Variants in ZFPM1 observed in about 807,000 individuals in gnomAD.
ZFPM1 encodes zinc finger protein ZFPM1.
In ZFPM1, 28 loss-of-function variants were observed where a neutral mutation model predicts 46.3. The ratio of observed to expected loss-of-function variants is 0.60; its 90% CI spans 0.45 to 0.83. The LOEUF is 0.83. Among genes scored for constraint, ZFPM1 ranks in the 40% least tolerant of loss-of-function variants. The probability of loss-of-function intolerance (pLI) is 0.00; values close to 1 mark genes in which losing one functional copy is unlikely to be tolerated. For missense variants in ZFPM1, 1,878 were observed against 1,432.4 expected (o/e 1.31, Z -5.02); for synonymous variants, 957 against 675.9 (o/e 1.42, Z -6.45).
chr16:88,483,897 G>A (rs1048788490), intron 1 of ZFPM1, among the ~76,000 whole-genome samples: 1 of 152,194 alleles, frequency 6.6e-6, no homozygotes, highest in Non-Finnish European at 1.5e-5. Context: ...GGAACGGCGG[G>A]GTCAGCCTTG....
At chr16:88,484,190 C>T (rs534435056) in intron 1 of ZFPM1, among the ~76,000 whole-genome samples, 3 of 152,168 alleles carry the variant, frequency 2.0e-5, no homozygotes, top group Non-Finnish European at 2.9e-5. Flanking sequence ...CACATGTGGG[C>T]GCTTCGGTGT....
In ZFPM1 at chr16:88,534,728, G is replaced by A; in HGVS notation, c.2770G>A (p.Glu924Lys). ...TGGCCCCCGGGACGGCCTCGGCCCGGAGCCCCAGGAGCCGCCGCCCGGCCC... is the reference window on the plus strand; with the variant it reads ...TGGCCCCCGGGACGGCCTCGGCCCGAAGCCCCAGGAGCCGCCGCCCGGCCC... ...SRGPRDGLGP[E>K]PQEPPPGPPP... Residue 924 changes from glutamate to lysine, a missense_variant, in exon 10 of 10, where the codon GAG becomes AAG. Physicochemically the swap from Glu to Lys is moderately conservative, Grantham distance 56. Transcript: ENST00000319555. 1.0e-6 allele frequency: 1 copy of A among 980,868 alleles called. No individual in the cohort carries two copies. Among genetic ancestry groups the A allele is most frequent in the Non-Finnish European group, 1.2e-6 (1 of 827,736 alleles). The allele number at this position is 980,868 out of a possible 1,614,324, so 60.8% of individuals were successfully genotyped here. A position where few individuals can be genotyped will look rare whatever the true frequency, so the allele number is the denominator to read the frequency against.
chr16:88,509,308 T>C (rs1040475010), intron 3 of ZFPM1, among the ~76,000 whole-genome samples: 11 of 152,176 alleles, frequency 7.2e-5, no homozygotes, highest in African/African-American at 2.7e-4. Context: ...AGCTGGCCTA[T>C]GGGAGCCACA....
Position 88,532,902 on chromosome 16 carries a change from G to A in ZFPM1, c.1156G>A (p.Gly386Arg). 6.2e-7 allele frequency: 1 copy of A among 1,613,276 alleles called. No individual in the cohort carries two copies. The highest frequency in any genetic ancestry group is 8.5e-7 in the Non-Finnish European group (1 of 1,179,968). The part of the protein sequence containing the change: ...PGSKGEIYSP[G>R]AGHPATKLPP... Reference sequence around the variant, plus strand: ...CTCCAAGGGTGAGATCTACTCGCCAGGGGCCGGACACCCAGCAACCAAGCT... The same window carrying A: ...CTCCAAGGGTGAGATCTACTCGCCAAGGGCCGGACACCCAGCAACCAAGCT... The change falls in exon 9 of 10, where the codon GGG becomes AGG. Residue 386 changes from glycine (G) to arginine (R), a missense_variant. Coordinates refer to ENST00000319555, the MANE Select transcript of ZFPM1 (RefSeq NM_153813.3).
rs1250389397 is a variant in ZFPM1, at chr16:88,471,149, T to C, written c.41-14790T>C. On this transcript the variant is annotated intron_variant, in intron 1 of 9. Transcript: ENST00000319555. The surrounding 1 kb of genome is among the most constrained non-coding windows in gnomAD (Gnocchi z 4.1). ...CCAGCTCCCCTGCAGCCATGATAGA[T>C]AGACCAGACTTTTCCTCTCCACTTA... Among the ~76,000 whole-genome samples the C allele has an allele frequency of 6.6e-6, 1 of 152,282 alleles. No individual in the cohort carries two copies. The highest frequency in any genetic ancestry group is 2.1e-4 in the South Asian group (1 of 4,828).
At chr16:88,478,567 CG>C (rs1447051607) in intron 1 of ZFPM1, among the ~76,000 whole-genome samples, 2 of 152,246 alleles carry the variant, frequency 1.3e-5, no homozygotes, top group African/African-American at 2.4e-5. Flanking sequence ...GCTGCTGTTG[CG>C]GGCCCACAGA....
intron 1 of ZFPM1, among the ~76,000 whole-genome samples, chr16:88,476,039 C>A (rs1386126075): frequency 6.6e-6 from 1 of 152,050 alleles, no homozygotes. Flanking sequence ...GCCCCATGAC[C>A]CTGAGTCTCA....
In ZFPM1 at chr16:88,533,972, T is replaced by A; in HGVS notation, c.2014T>A (p.Ser672Thr). 1 of 1,325,172 alleles carries A rather than the reference T, an allele frequency of 7.5e-7. No individual in the cohort carries two copies. The allele number at this position is 1,325,172 out of a possible 1,614,324, so 82.1% of individuals were successfully genotyped here. A position where few individuals can be genotyped will look rare whatever the true frequency, so the allele number is the denominator to read the frequency against. ...GSEGSQSPGS[S>T]VDDAEDDPSR... The stretch of plus-strand genomic sequence containing the variant: ...CGAGGGCAGCCAGAGCCCGGGTAGC[T>A]CCGTGGACGACGCGGAGGACGACCC... Residue 672 changes from serine to threonine, a missense_variant, in exon 10 of 10, where the codon TCC (serine) becomes ACC (threonine). Transcript: ENST00000319555.
chr16:88,527,656 C>T (rs1165373827), intron 5 of ZFPM1, among the ~76,000 whole-genome samples: 3 of 152,034 alleles, frequency 2.0e-5, no homozygotes, highest in Non-Finnish European at 2.9e-5. Flanking sequence ...CAGGAAGAGC[C>T]GCCCTTGGAC....
chr16:88,520,202 G>A (rs1479041310), intron 4 of ZFPM1, among the ~76,000 whole-genome samples: 5 of 150,430 alleles, frequency 3.3e-5, no homozygotes, highest in Admixed American at 2.7e-4. Context: ...GTGGGTAGAT[G>A]GGTAGATGGA....
intron 6 of ZFPM1, among the ~76,000 whole-genome samples, chr16:88,529,955 T>G (rs1597286567): frequency 1.3e-5 from 2 of 152,044 alleles, no homozygotes; most frequent in Non-Finnish European, 2.9e-5. Context: ...TAAGCCCAGG[T>G]TGGGGGCAGG....
intron 4 of ZFPM1, among the ~76,000 whole-genome samples, 187 bp from the exon 5 acceptor site, chr16:88,526,627 G>C (rs967208619): frequency 6.6e-6 from 1 of 152,220 alleles, no homozygotes; most frequent in African/African-American, 2.4e-5. Context: ...AGCCCCACCG[G>C]TCAACTATGG....
intron 4 of ZFPM1, 37 bp from the exon 5 acceptor site, chr16:88,526,777 G>T: frequency 6.5e-7 from 1 of 1,532,624 alleles, no homozygotes; most frequent in Non-Finnish European, 8.8e-7. Context: ...GGCTGCTGAC[G>T]GACCCCTCCC....
chr16:88,501,892 G>T, intron 3 of ZFPM1, among the ~76,000 whole-genome samples: 1 of 152,088 alleles, frequency 6.6e-6, no homozygotes, highest in Non-Finnish European at 1.5e-5. Flanking sequence ...CCGCGAGGGG[G>T]CTCCTGGGCC....
intron 2 of ZFPM1, among the ~76,000 whole-genome samples, chr16:88,487,884 G>A (rs1410040880): frequency 2.6e-5 from 4 of 152,326 alleles, no homozygotes; most frequent in South Asian, 4.1e-4. Context: ...CCAGGTGCAG[G>A]CGTCCAGCCC....
chr16:88,527,301 A>G (rs1451198117), intron 5 of ZFPM1, among the ~76,000 whole-genome samples: 1 of 152,222 alleles, frequency 6.6e-6, no homozygotes, highest in Non-Finnish European at 1.5e-5. Context: ...CCACTGGACC[A>G]TCCTCCATGT....
At position 88,493,063 on chromosome 16, in the gene ZFPM1, AGAGCTGTCCCGGGGTGCGGG is replaced by A. The variant is rs1179098612; in HGVS notation, c.268+3947_268+3966del. On this transcript the variant is annotated intron_variant, in intron 3 of 9. Coordinates refer to ENST00000319555, the MANE Select transcript of ZFPM1 (RefSeq NM_153813.3). ...TATGGAGAGCTATCCCGGGGTGCGG[AGAGCTGTCCCGGGGTGCGGG>A]GAGCTGTCCCGGGGTGCGGGGAGCT... Among the ~76,000 whole-genome samples the A allele has an allele frequency of 1.6e-3, 193 of 121,452 alleles. No individual in the cohort carries two copies. The Middle Eastern group carries it at 0.026, about 17-fold the overall frequency. 79.7% of individuals were successfully genotyped at this position (121,452 alleles called of 152,430 possible). A position where few individuals can be genotyped will look rare whatever the true frequency, so the allele number is the denominator to read the frequency against.
At chr16:88,520,886 A>T (rs1055957354) in intron 4 of ZFPM1, among the ~76,000 whole-genome samples, 2 of 14,582 alleles carry the variant, frequency 1.4e-4, no homozygotes, top group South Asian at 3.2e-3. Flanking sequence ...GATGGGAGGG[A>T]GGGAGGGAGT....
At chr16:88,461,358 C>T (rs1907883425) in intron 1 of ZFPM1, among the ~76,000 whole-genome samples, 1 of 152,098 alleles carries the variant, frequency 6.6e-6, no homozygotes, top group Admixed American at 6.5e-5. Flanking sequence ...GCCCCGCCAC[C>T]TGGGCTGCAC....
Sources: allele counts gnomAD v4.1 joint callset (sites outside exome capture counted in the v4.1 genomes callset), GRCh38; gene constraint gnomAD v4.1.1; non-coding constraint Gnocchi (gnomAD v3.1); transcripts MANE v1.5; gene names NCBI Gene and HGNC (gene_info 2026-07-23, HGNC 2026-07-21).